Variants in NOM1 observed in about 807,000 individuals in gnomAD.
The protein encoded by NOM1 is nucleolar protein with MIF4G domain 1.
A neutral mutation model predicts 73.3 loss-of-function variants in NOM1; 58 were observed. That is an observed-to-expected ratio of 0.79 (90% confidence interval 0.64 to 0.99). The LOEUF is 0.99. Among genes scored for constraint, NOM1 ranks in the 50% least tolerant of loss-of-function variants. The probability of loss-of-function intolerance (pLI) is 0.00; values close to 1 mark genes in which losing one functional copy is unlikely to be tolerated. For synonymous variants in NOM1, 487 were observed against 446.8 expected, an observed-to-expected ratio of 1.09 and a Z score of -1.14; for missense variants, 1,226 against 1,131.9, an observed-to-expected ratio of 1.08 and a Z score of -1.19.
intron 1 of NOM1, among the ~76,000 whole-genome samples, chr7:156,950,966 C>T (rs1200554255): frequency 6.6e-6 from 1 of 152,128 alleles, no homozygotes; most frequent in Non-Finnish European, 1.5e-5. Context: ...GGGCCATTTC[C>T]ACAGTGCAGC....
intron 8 of NOM1, among the ~76,000 whole-genome samples, chr7:156,966,757 A>G (rs536222689): frequency 1.3e-5 from 2 of 152,308 alleles, no homozygotes; most frequent in Admixed American, 6.5e-5. Context: ...TTTGGGGGGA[A>G]GAACTGCACC....
chr7:156,966,387 T>A lies in NOM1; in HGVS notation c.2151T>A (p.Tyr717Ter). Residue 717 changes from tyrosine (Y) to a stop codon, truncating the protein, a stop_gained, in exon 8 of 11, where the codon TAT becomes TAA. Coordinates refer to ENST00000275820, the MANE Select transcript of NOM1 (RefSeq NM_138400.2). LOFTEE classifies it high-confidence loss of function. ...YAFLASKFCE[Y>*]ERRFQMTFQF... is the part of the protein sequence containing the mutation. ...TCCTGGCTAGCAAATTCTGTGAATA[T>A]GAAAGGAGATTTCAGGTAGCTTAGT... is the stretch of plus-strand genomic sequence containing the variant. 2 of 1,614,210 alleles carry A rather than the reference T, an allele frequency of 1.2e-6. No homozygotes were observed. Among genetic ancestry groups the A allele is most frequent in the Non-Finnish European group, 1.7e-6 (2 of 1,180,044 alleles).
chr7:156,958,618 G>C (rs568382732), intron 3 of NOM1: 1 of 152,168 alleles, frequency 6.6e-6, no homozygotes, highest in Non-Finnish European at 1.5e-5. Flanking sequence ...AAAAAACAGG[G>C]TTCCAGGAAC....
In NOM1 at chr7:156,950,241, C is replaced by A. The variant is rs149297064; in HGVS notation, c.504C>A (p.Ala168=). The A allele has an allele frequency of 6.8e-6, 11 of 1,613,230 alleles. No homozygotes were observed. The highest frequency in any genetic ancestry group is 1.7e-4 in the Middle Eastern group (1 of 6,056). ...CCAGACCCTCCGCAGCCGCCACCGCCGCTGCCCGGAAACGGGCGCTTTTAG... is the reference window on the plus strand; with the variant it reads ...CCAGACCCTCCGCAGCCGCCACCGCAGCTGCCCGGAAACGGGCGCTTTTAG... The part of the protein sequence containing the change: ...AKTRPSAAAT[A]AARKRALLAA... Residue 168 remains alanine, a synonymous_variant, in exon 1 of 11, where the codon GCC becomes GCA. Coordinates refer to ENST00000275820, the MANE Select transcript of NOM1 (RefSeq NM_138400.2).
At chr7:156,967,192 G>A (rs766863110) in intron 9 of NOM1, 100 bp downstream of exon 9, 11 of 1,359,886 alleles carry the variant, frequency 8.1e-6, no homozygotes, top group Admixed American at 4.8e-5. Context: ...TATTTTCTTC[G>A]ATTCTGATTC....
At chr7:156,952,734 C>A in intron 2 of NOM1, 136 bp downstream of exon 2, 1 of 937,124 alleles carries the variant, frequency 1.1e-6, no homozygotes, top group Non-Finnish European at 1.6e-6. Context: ...GCTTGATGCA[C>A]CGAGACCCAT....
At chr7:156,967,136 G>A in intron 9 of NOM1, 44 bp downstream of exon 9, 3 of 1,598,802 alleles carry the variant, frequency 1.9e-6, no homozygotes, top group Non-Finnish European at 2.6e-6. Flanking sequence ...GGAAATGGGA[G>A]TGTAATTGTT....
chr7:156,963,319 T>A, intron 6 of NOM1, 144 bp downstream of exon 6: 1 of 754,068 alleles, frequency 1.3e-6, no homozygotes, highest in Non-Finnish European at 2.3e-6. Flanking sequence ...TTACAGAAAT[T>A]GCTATTAATA....
At position 156,950,443 on chromosome 7, in the gene NOM1, G is replaced by A. The variant is rs1804560114; in HGVS notation, c.706G>A (p.Gly236Ser). 1.2e-6 allele frequency: 2 copies of A among 1,614,042 alleles called. No homozygotes were observed. Among genetic ancestry groups the A allele is most frequent in the African/African-American group, 1.3e-5 (1 of 74,902 alleles). The change falls in exon 1 of 11, where the codon GGT becomes AGT. Residue 236 changes from glycine (G) to serine (S), a missense_variant. By Grantham distance (56) the Gly-to-Ser change is moderately conservative (BLOSUM62 0). Transcript: ENST00000275820. ...AAATAGCGGCTTGTACGACAGCAGT[G>A]GTGAGGAGGAGGAAGATGCCGGACA... is the stretch of plus-strand genomic sequence containing the variant. ...GKNSGLYDSS[G>S]EEEEDAGQTL...
Position 156,969,896 on chromosome 7 carries a change from T to TG in NOM1, c.*198dup. 1 of 493,126 alleles carries TG rather than the reference T, an allele frequency of 2.0e-6. No individual in the cohort carries two copies. The highest frequency in any genetic ancestry group is 3.3e-5 in the South Asian group (1 of 29,864). 30.5% of individuals were successfully genotyped at this position (493,126 alleles called of 1,614,324 possible). A position where few individuals can be genotyped will look rare whatever the true frequency, so the allele number is the denominator to read the frequency against. Reference sequence around the variant, plus strand: ...TCAAGCCATTTTCAAATAACTATCTTGGGGGTGAGAGGAGAAGGAGGGAGG... The same window carrying TG: ...TCAAGCCATTTTCAAATAACTATCTTGGGGGGTGAGAGGAGAAGGAGGGAGG... On this transcript the variant is annotated 3_prime_UTR_variant, in exon 11 of 11. Coordinates refer to ENST00000275820, the MANE Select transcript of NOM1 (RefSeq NM_138400.2).
At position 156,969,464 on chromosome 7, in the gene NOM1, C is replaced by G; in HGVS notation, c.2409-65C>G. The G allele has an allele frequency of 5.8e-6, 8 of 1,376,692 alleles. No individual in the cohort carries two copies. The South Asian group carries it at 7.9e-5, about 14-fold the overall frequency. The allele number at this position is 1,376,692 out of a possible 1,614,324, so 85.3% of individuals were successfully genotyped here. ...TGGTTATGTCTCACTATGCGAGATA[C>G]CCAGGATTGAGATCTAGGAGAGGCC... On this transcript the variant is annotated intron_variant, in intron 10 of 10. Transcript: ENST00000275820.
In NOM1 at chr7:156,949,750, A is replaced by G. The variant is rs1347046509; in HGVS notation, c.13A>G (p.Arg5Gly). 22 of 1,385,360 alleles carry G rather than the reference A, an allele frequency of 1.6e-5. No homozygotes were observed. Among genetic ancestry groups the G allele is most frequent in the Middle Eastern group, 2.4e-4 (1 of 4,116 alleles). 85.8% of individuals were successfully genotyped at this position (1,385,360 alleles called of 1,614,324 possible). A position where few individuals can be genotyped will look rare whatever the true frequency, so the allele number is the denominator to read the frequency against. Residue 5 changes from arginine to glycine, a missense_variant, in exon 1 of 11, where the codon AGG becomes GGG. By Grantham distance (125) the Arg-to-Gly change is moderately radical. Coordinates refer to ENST00000275820, the MANE Select transcript of NOM1 (RefSeq NM_138400.2). ...CGCGTTTCGAAAGATGGCGGCGTCC[A>G]GGAGCGCGGGAGAGGCCGGCCCGGG... MAAS[R>G]SAGEAGPGGS...
intron 4 of NOM1, 79 bp from the exon 5 acceptor site, chr7:156,962,072 G>A (rs1804877535): frequency 8.7e-7 from 1 of 1,146,210 alleles, no homozygotes; most frequent in South Asian, 1.2e-5. Context: ...ATCAGGTGTG[G>A]TAGATTTCTT....
At chr7:156,966,452 C>T in intron 8 of NOM1, 50 bp downstream of exon 8, 2 of 1,606,046 alleles carry the variant, frequency 1.2e-6, no homozygotes, top group Non-Finnish European at 8.5e-7. Context: ...ATTTTTTCTA[C>T]ACAGGCTACC....
chr7:156,969,163 CAG>C lies in NOM1; in HGVS notation c.2377_2378del (p.Glu793SerfsTer2), dbSNP rs1488735069. 1.6e-5 allele frequency: 25 copies of C among 1,596,120 alleles called. No individual in the cohort carries two copies. Among genetic ancestry groups the C allele is most frequent in the South Asian group, 2.2e-5 (2 of 90,750 alleles). Reference sequence around the variant, plus strand: ...GTATTAAGTATCCTATTAATGGAAACAGAAGTTGAAGACCTCAGTTTAATTTT... The same window carrying C: ...GTATTAAGTATCCTATTAATGGAAACAAGTTGAAGACCTCAGTTTAATTTT... On this transcript the variant is annotated frameshift_variant, in exon 10 of 11. Coordinates refer to ENST00000275820, the MANE Select transcript of NOM1 (RefSeq NM_138400.2). LOFTEE classifies it low-confidence loss of function (END_TRUNC).
At chr7:156,965,954 A>G (rs985679004) in intron 7 of NOM1, among the ~76,000 whole-genome samples, 4 of 152,192 alleles carry the variant, frequency 2.6e-5, no homozygotes, top group Non-Finnish European at 2.9e-5. Context: ...CCATAGCAGG[A>G]ACCAGCTCTA....
chr7:156,960,311 C>T (rs1185041531), intron 4 of NOM1, 137 bp downstream of exon 4: 4 of 702,770 alleles, frequency 5.7e-6, no homozygotes, highest in African/African-American at 5.4e-5. Flanking sequence ...ATCCTGTTTT[C>T]TGGCTTTAAT....
At chr7:156,962,102 T>G in intron 4 of NOM1, 49 bp from the exon 5 acceptor site, 1 of 1,517,800 alleles carries the variant, frequency 6.6e-7, no homozygotes, top group Non-Finnish European at 9.1e-7. Context: ...AATGGGCCGT[T>G]TAGACTGTTT....
Position 156,950,056 on chromosome 7 carries a change from G to A in NOM1, c.319G>A (p.Gly107Ser). 1 of 1,543,520 alleles carries A rather than the reference G, an allele frequency of 6.5e-7. No homozygotes were observed. The highest frequency in any genetic ancestry group is 8.7e-7 in the Non-Finnish European group (1 of 1,146,908). ...GCAGAGGACGGCGGGCCCCGAACAG[G>A]GTCCCGGCCTGGGAGGCCGAAGCGG... ...RLQRTAGPEQ[G>S]PGLGGRSGAE... The change falls in exon 1 of 11, where the codon GGT becomes AGT. Residue 107 changes from glycine (G) to serine (S), a missense_variant. Gly to Ser is a moderately conservative substitution (Grantham distance 56, BLOSUM62 0). Coordinates refer to ENST00000275820, the MANE Select transcript of NOM1 (RefSeq NM_138400.2).
Sources: gnomAD v4.1 joint callset for allele counts (sites outside exome capture counted in the v4.1 genomes callset) on GRCh38, gnomAD v4.1.1 for gene constraint, MANE v1.5 for transcripts, NCBI Gene and HGNC (gene_info 2026-07-23, HGNC 2026-07-21) for gene names.